Variants in EML6 observed in about 807,000 individuals in gnomAD.
EML6 encodes EMAP like 6, also known as echinoderm microtubule-associated protein-like 6.
A neutral mutation model predicts 240.1 loss-of-function variants in EML6; 154 were observed. The observed-to-expected ratio is 0.64, with a 90% CI of 0.56 to 0.73. EML6 has a LOEUF of 0.73. Ranked by LOEUF, EML6 falls within the 30% of genes least tolerant of loss-of-function variation. The probability of loss-of-function intolerance (pLI) is 0.00; values close to 1 mark genes in which losing one functional copy is unlikely to be tolerated. For synonymous variants in EML6, 1,148 were observed against 899.0 expected (o/e 1.28, Z -4.95); for missense variants, 2,964 against 2,474.6 (o/e 1.20, Z -4.20).
At chr2:54,886,894 G>C (rs987278216) in intron 17 of EML6, among the ~76,000 whole-genome samples, 7 of 152,198 alleles carry the variant, frequency 4.6e-5, no homozygotes, top group African/African-American at 1.4e-4. Context: ...CATCAGAAAA[G>C]ATAAAATCGG....
intron 41 of EML6, 45 bp from the exon 42 acceptor site, chr2:54,970,026 A>G (rs778084886): frequency 2.6e-5 from 40 of 1,549,352 alleles, no homozygotes; most frequent in Middle Eastern, 3.3e-4. Context: ...TGACACAAGT[A>G]TGATGTCCAG....
chr2:54,751,708 A>T (rs1038658581), intron 2 of EML6, among the ~76,000 whole-genome samples: 3 of 152,190 alleles, frequency 2.0e-5, no homozygotes, highest in African/African-American at 7.2e-5. Context: ...ATGTTATTCC[A>T]TGTTGGCACA....
At chr2:54,900,847 C>T (rs183334412) in intron 22 of EML6, among the ~76,000 whole-genome samples, 3 of 152,262 alleles carry the variant, frequency 2.0e-5, no homozygotes, top group East Asian at 3.9e-4. Context: ...GCACAAAGTA[C>T]CCTGGAGCCT....
At chr2:54,863,028 A>G (rs1670766075) in intron 12 of EML6, among the ~76,000 whole-genome samples, 1 of 152,174 alleles carries the variant, frequency 6.6e-6, no homozygotes, top group African/African-American at 2.4e-5. Context: ...ATGTGTTCCA[A>G]TTCAGTGGAC....
chr2:54,901,186 G>A (rs1349411012), intron 22 of EML6, among the ~76,000 whole-genome samples: 1 of 152,174 alleles, frequency 6.6e-6, no homozygotes, highest in African/African-American at 2.4e-5. Context: ...GGCACAGGAA[G>A]CTTAATTAGT....
At chr2:54,759,429 G>A (rs1262672652) in intron 2 of EML6, among the ~76,000 whole-genome samples, 1 of 151,722 alleles carries the variant, frequency 6.6e-6, no homozygotes, top group Non-Finnish European at 1.5e-5. Context: ...AAGATCATGG[G>A]GGAAGTGCTA....
chr2:54,961,396 G>A (rs988928207), intron 35 of EML6, among the ~76,000 whole-genome samples: 3 of 151,160 alleles, frequency 2.0e-5, no homozygotes, highest in African/African-American at 7.3e-5. Context: ...ATGTTGGCCA[G>A]GCTGTTCTCA....
chr2:54,875,956 A>G (rs956292860), intron 16 of EML6, among the ~76,000 whole-genome samples: 8 of 152,234 alleles, frequency 5.3e-5, no homozygotes, highest in East Asian at 1.9e-4. Flanking sequence ...CATTGTGTTC[A>G]GTAGAAAACC....
In EML6 at chr2:54,810,388, C is replaced by A. The variant is rs181146287; in HGVS notation, c.198-2844C>A. Among the ~76,000 whole-genome samples the A allele has an allele frequency of 2.4e-3, 360 of 152,290 alleles. 2 individuals carry two copies. Among genetic ancestry groups the A allele is most frequent in the Non-Finnish European group, 4.2e-3 (287 of 68,008 alleles). ...AAGTTATTTGAAGACTTGTTGAAAT[C>A]TGTTTATTCCATTCCCCCCAACCCC... On this transcript the variant is annotated intron_variant, in intron 2 of 41. Coordinates refer to ENST00000356458, the MANE Select transcript of EML6 (RefSeq NM_001039753.4).
chr2:54,952,564 G>C, intron 30 of EML6, 30 bp from the exon 31 acceptor site: 3 of 1,475,160 alleles, frequency 2.0e-6, no homozygotes, highest in Non-Finnish European at 2.8e-6. Flanking sequence ...AGGTTCCACT[G>C]TTCACCCTCC....
intron 2 of EML6, among the ~76,000 whole-genome samples, chr2:54,789,543 A>AAAAAAAAAG (rs1669308341): frequency 7.5e-5 from 11 of 145,728 alleles, no homozygotes; most frequent in South Asian, 2.2e-4. Flanking sequence ...AAAAAAAAAA[A>AAAAAAAAAG]AAAAAGAAAA....
intron 2 of EML6, among the ~76,000 whole-genome samples, chr2:54,744,549 C>T (rs937863397): frequency 1.3e-5 from 2 of 151,676 alleles, no homozygotes; most frequent in African/African-American, 4.8e-5. Context: ...TCAGGGAGGC[C>T]AGTGTGAAGG....
intron 2 of EML6, among the ~76,000 whole-genome samples, chr2:54,751,499 A>C (rs1684162294): frequency 6.6e-6 from 1 of 152,204 alleles, no homozygotes; most frequent in African/African-American, 2.4e-5. Flanking sequence ...CTTCCAGAAA[A>C]AGAAAAAAAA....
At chr2:54,794,474 A>G (rs1300682631) in intron 2 of EML6, among the ~76,000 whole-genome samples, 1 of 152,112 alleles carries the variant, frequency 6.6e-6, no homozygotes, top group Non-Finnish European at 1.5e-5. Flanking sequence ...GAAACATCTG[A>G]GGGAGTAGGG....
chr2:54,734,803 T>G (rs1683322946), intron 2 of EML6, among the ~76,000 whole-genome samples: 1 of 152,254 alleles, frequency 6.6e-6, no homozygotes, highest in Non-Finnish European at 1.5e-5. Context: ...GATGATTTAG[T>G]GAGTGTAGCT....
intron 38 of EML6, among the ~76,000 whole-genome samples, chr2:54,965,042 G>A (rs1351249948): frequency 6.6e-6 from 1 of 152,110 alleles, no homozygotes; most frequent in Non-Finnish European, 1.5e-5. Flanking sequence ...TAGTTTTCTG[G>A]GGCTACACCT....
chr2:54,802,777 G>A (rs781285402), intron 2 of EML6, among the ~76,000 whole-genome samples: 1 of 152,124 alleles, frequency 6.6e-6, no homozygotes, highest in Non-Finnish European at 1.5e-5. Context: ...CACACCCTGT[G>A]CTGAGCGTTC....
At chr2:54,921,159 GA>G (rs1674229396) in intron 26 of EML6, among the ~76,000 whole-genome samples, 1 of 151,934 alleles carries the variant, frequency 6.6e-6, no homozygotes, top group Non-Finnish European at 1.5e-5. Context: ...CAGAAAGAAA[GA>G]TGTAAAATTA....
In EML6 at chr2:54,869,392, C is replaced by T. The variant is rs571959715; in HGVS notation, c.2238+25C>T. The T allele has an allele frequency of 3.8e-5, 56 of 1,469,980 alleles. No homozygotes were observed. The East Asian group carries it at 1.3e-3, about 34-fold the overall frequency. 91.1% of individuals were successfully genotyped at this position (1,469,980 alleles called of 1,614,324 possible). On this transcript the variant is annotated intron_variant, in intron 15 of 41. Coordinates refer to ENST00000356458, the MANE Select transcript of EML6 (RefSeq NM_001039753.4). ...GGTATCTATCTCCTGTAAACTAGGG[C>T]CTAGCCAAAAAGAGAATTTAATTTT... is the stretch of plus-strand genomic sequence containing the variant.
Sources: gnomAD v4.1 joint callset for allele counts (sites outside exome capture counted in the v4.1 genomes callset) on GRCh38, gnomAD v4.1.1 for gene constraint, MANE v1.5 for transcripts, NCBI Gene and HGNC (gene_info 2026-07-23, HGNC 2026-07-21) for gene names.